The following MYO3A variants were observed in gnomAD, a reference collection of about 807,000 sequenced individuals.
MYO3A encodes myosin IIIA, also known as myosin-IIIa.
In MYO3A, 180 loss-of-function variants were observed where a neutral mutation model predicts 192.7. The ratio of observed to expected loss-of-function variants is 0.93; its 90% confidence interval spans 0.83 to 1.06. The LOEUF is 1.06. Ranked by LOEUF, MYO3A falls within the 50% of genes least tolerant of loss-of-function variation. MYO3A has a pLI of 0.00. For synonymous variants in MYO3A, 628 were observed against 645.3 expected (o/e 0.97, Z 0.41); for missense variants, 1,896 against 1,905.0 (o/e 1.00, Z 0.09).
At chr10:26,178,877 CT>C (rs1450444656) in intron 31 of MYO3A, among the ~76,000 whole-genome samples, 1 of 151,850 alleles carries the variant, frequency 6.6e-6, no homozygotes, top group East Asian at 2.0e-4. Flanking sequence ...TCTCGACTCA[CT>C]GCAAGCTCCG....
intron 4 of MYO3A, among the ~76,000 whole-genome samples, chr10:25,980,769 G>A (rs1470294579): frequency 6.6e-6 from 1 of 152,090 alleles, no homozygotes; most frequent in African/African-American, 2.4e-5. Flanking sequence ...GAAAAATTAA[G>A]CAGAAAGTAA....
At chr10:26,084,084 G>C (rs973397061) in intron 14 of MYO3A, among the ~76,000 whole-genome samples, 7 of 152,118 alleles carry the variant, frequency 4.6e-5, no homozygotes, top group African/African-American at 1.4e-4. Flanking sequence ...CTTAGTAAAT[G>C]CTTTTCTTTT....
chr10:26,102,434 G>A (rs7901158), intron 17 of MYO3A, among the ~76,000 whole-genome samples: 73,192 of 152,076 alleles, frequency 0.48, 18,311 homozygotes, highest in Middle Eastern at 0.59. Flanking sequence ...GCTTTGTTCC[G>A]TTGCTGGTGA....
intron 20 of MYO3A, among the ~76,000 whole-genome samples, chr10:26,136,815 T>A (rs1242489892): frequency 6.6e-6 from 1 of 151,058 alleles, no homozygotes; most frequent in Non-Finnish European, 1.5e-5. Flanking sequence ...GGCCCGGGAG[T>A]TTGAGACCAG....
chr10:26,048,646 A>G (rs540482507), intron 10 of MYO3A, among the ~76,000 whole-genome samples: 2 of 152,184 alleles, frequency 1.3e-5, no homozygotes, highest in Admixed American at 6.5e-5. Flanking sequence ...CTGTCCATGA[A>G]TGATAGTGTA....
chr10:26,145,545 T>G lies in MYO3A; in HGVS notation c.2505+11T>G. Reference sequence around the variant, plus strand: ...CATTATGCAGGAAAGGTAAGAACTCTAAAGAATTATGACTGAGTTTCTCCT... The same window carrying G: ...CATTATGCAGGAAAGGTAAGAACTCGAAAGAATTATGACTGAGTTTCTCCT... On this transcript the variant is annotated intron_variant, in intron 22 of 34. Transcript: ENST00000642920. The G allele has an allele frequency of 6.5e-7, 1 of 1,550,294 alleles. No homozygotes were observed. Among genetic ancestry groups the G allele is most frequent in the Non-Finnish European group, 8.9e-7 (1 of 1,121,936 alleles).
chr10:26,102,232 T>C (rs1837500725), intron 17 of MYO3A, among the ~76,000 whole-genome samples: 3 of 152,250 alleles, frequency 2.0e-5, no homozygotes, highest in African/African-American at 7.2e-5. Flanking sequence ...TCTCGTGCCA[T>C]GGTTTTCAGC....
At chr10:26,198,799 G>A (rs986702825) in intron 32 of MYO3A, among the ~76,000 whole-genome samples, 1 of 152,242 alleles carries the variant, frequency 6.6e-6, no homozygotes, top group Middle Eastern at 3.4e-3. Context: ...GAAAATCTAC[G>A]TGAGTCATGT....
chr10:26,009,884 G>T (rs1841510721), intron 6 of MYO3A, among the ~76,000 whole-genome samples: 1 of 152,146 alleles, frequency 6.6e-6, no homozygotes, highest in Non-Finnish European at 1.5e-5. Flanking sequence ...CAGGAGAGAG[G>T]ACAATGGAGC....
chr10:26,052,882 C>T (rs2131296996), intron 10 of MYO3A, among the ~76,000 whole-genome samples: 1 of 151,922 alleles, frequency 6.6e-6, no homozygotes, highest in South Asian at 2.1e-4. Flanking sequence ...TATTAACCAC[C>T]CCTAAGGGTA....
At chr10:26,152,750 A>G (rs1452403746) in intron 23 of MYO3A, among the ~76,000 whole-genome samples, 4 of 152,328 alleles carry the variant, frequency 2.6e-5, no homozygotes, top group Middle Eastern at 3.4e-3. Flanking sequence ...TGCTGTAGTC[A>G]GTAAGTTTCA....
chr10:26,034,231 G>C (rs944615603), intron 10 of MYO3A, among the ~76,000 whole-genome samples: 2 of 152,196 alleles, frequency 1.3e-5, no homozygotes, highest in Admixed American at 1.3e-4. Context: ...GGTAGAGGGA[G>C]TTGGTCCCAA....
At chr10:25,979,887 A>G (rs1839210659) in intron 4 of MYO3A, among the ~76,000 whole-genome samples, 1 of 152,174 alleles carries the variant, frequency 6.6e-6, no homozygotes, top group Non-Finnish European at 1.5e-5. Flanking sequence ...ATATTTTCAA[A>G]CATTGTGAAG....
In MYO3A at chr10:25,997,180, A is replaced by G; in HGVS notation, c.430A>G (p.Asn144Asp). Residue 144 changes from asparagine (N) to aspartate (D), a missense_variant, in exon 6 of 35, where the codon AAC becomes GAC. Physicochemically the swap from Asn to Asp is conservative, Grantham distance 23. Transcript: ENST00000642920. ...ALMGLQHLHN[N>D]KTIHRDVKGN... Reference sequence around the variant, plus strand: ...CTAGGGACTTCAACATTTGCATAACAACAAAACTATCCACAGAGATGTGAA... The same window carrying G: ...CTAGGGACTTCAACATTTGCATAACGACAAAACTATCCACAGAGATGTGAA... 1 of 1,613,434 alleles carries G rather than the reference A, an allele frequency of 6.2e-7. No individual in the cohort carries two copies. The highest frequency in any genetic ancestry group is 8.5e-7 in the Non-Finnish European group (1 of 1,179,478).
intron 8 of MYO3A, chr10:26,022,448 G>T (rs1842355669): frequency 6.6e-6 from 1 of 152,194 alleles, no homozygotes; most frequent in Admixed American, 6.5e-5. Flanking sequence ...AGAATATTTG[G>T]CATCTAACTA....
chr10:26,081,141 C>CCT (rs1554820903), intron 14 of MYO3A, among the ~76,000 whole-genome samples: 1 of 103,148 alleles, frequency 9.7e-6, no homozygotes, highest in Non-Finnish European at 2.4e-5. Context: ...CTTCCCCCCC[C>CCT]CCCCGCCCCC....
chr10:25,946,108 T>C (rs1226398108), intron 2 of MYO3A, among the ~76,000 whole-genome samples: 1 of 152,158 alleles, frequency 6.6e-6, no homozygotes, highest in Non-Finnish European at 1.5e-5. Flanking sequence ...AAATTCAAGA[T>C]AAAAAAAGTG....
rs1345704196 is a variant in MYO3A, at chr10:26,157,404, A to G, written c.2888A>G (p.Tyr963Cys). The change falls in exon 26 of 35, where the codon TAT (tyrosine) becomes TGT (cysteine). Residue 963 changes from tyrosine (Y) to cysteine (C), a missense_variant. By Grantham distance (194) the Tyr-to-Cys change is radical. Transcript: ENST00000642920. The stretch of plus-strand genomic sequence containing the variant: ...AATAGTGAGCGTCAGGCAAGAAAAT[A>G]TGACAAAGAGAAAGTTCTGCTACAG... Reference protein sequence around the residue: ...KPNSERQARKYDKEKVLLQLR... With the variant: ...KPNSERQARKCDKEKVLLQLR... 2 of 1,614,184 alleles carry G rather than the reference A, an allele frequency of 1.2e-6. No individual in the cohort carries two copies. Among genetic ancestry groups the G allele is most frequent in the South Asian group, 2.2e-5 (2 of 91,088 alleles).
At chr10:26,184,183 A>G (rs962828532) in intron 31 of MYO3A, among the ~76,000 whole-genome samples, 3 of 152,230 alleles carry the variant, frequency 2.0e-5, no homozygotes, top group African/African-American at 7.2e-5. Context: ...CTTTAAGTCT[A>G]GAACCAGTGC....
Sources: allele counts gnomAD v4.1 joint callset (sites outside exome capture counted in the v4.1 genomes callset), GRCh38; gene constraint gnomAD v4.1.1; transcripts MANE v1.5; gene names NCBI Gene and HGNC (gene_info 2026-07-23, HGNC 2026-07-21).